VEZT: variants seen among roughly 807,000 people sequenced by gnomAD.
VEZT encodes vezatin.
VEZT carries 39 observed loss-of-function variants against 79.9 expected under a neutral mutation model. That is an observed-to-expected ratio of 0.49 (90% CI 0.38 to 0.64). The LOEUF (loss-of-function observed/expected upper bound fraction) is 0.64. Ranked by LOEUF, VEZT falls within the 30% of genes least tolerant of loss-of-function variation. VEZT has a pLI of 0.00. For missense variants in VEZT, 837 were observed against 893.1 expected (o/e 0.94, Z 0.80); for synonymous variants, 325 against 327.6 (o/e 0.99, Z 0.09).
intron 7 of VEZT, among the ~76,000 whole-genome samples, chr12:95,281,745 C>T (rs1237678840): frequency 6.6e-6 from 1 of 151,966 alleles, no homozygotes; most frequent in East Asian, 1.9e-4. Context: ...GAGGTTTCAC[C>T]ATGTTGGCCA....
chr12:95,247,339 A>G (rs1335159226), intron 1 of VEZT, among the ~76,000 whole-genome samples: 2 of 152,218 alleles, frequency 1.3e-5, no homozygotes, highest in African/African-American at 2.4e-5. Flanking sequence ...ATTTTTCTGT[A>G]TACTTCACCC....
At chr12:95,276,176 C>T (rs1186527848) in intron 7 of VEZT, among the ~76,000 whole-genome samples, 3 of 151,704 alleles carry the variant, frequency 2.0e-5, no homozygotes, top group Non-Finnish European at 4.4e-5. Context: ...CAAAGATATA[C>T]CCAAAGTATG....
In VEZT at chr12:95,225,061, T is replaced by C. The variant is rs572054603; in HGVS notation, c.36+7175T>C. 2.6e-5 allele frequency among the ~76,000 whole-genome samples: 4 copies of C among 152,292 alleles called. No homozygotes were observed. The East Asian group carries it at 7.7e-4, about 29-fold the overall frequency. On this transcript the variant is annotated intron_variant, in intron 1 of 11. Coordinates refer to ENST00000436874, the MANE Select transcript of VEZT (RefSeq NM_017599.4). ...ACCATCCTGCTGGCCTCGGGCTGTA[T>C]TCCTAACAGGCCATGGACCGGTACC...
At position 95,251,958 on chromosome 12, in the gene VEZT, T is replaced by C. The variant is rs554034129; in HGVS notation, c.55T>C (p.Tyr19His). ...VVFENSPLYQ[Y>H]LQDLGHTDFE... ...TTTTCAGAATTCTCCACTTTACCAA[T>C]ACTTACAGGATCTGGGACACACAGA... The change falls in exon 2 of 12, where the codon TAC becomes CAC. Residue 19 changes from tyrosine (Y) to histidine (H), a missense_variant. Physicochemically the swap from Tyr to His is moderately conservative, Grantham distance 83. Transcript: ENST00000436874. The C allele has an allele frequency of 1.2e-6, 2 of 1,607,466 alleles. No individual in the cohort carries two copies. The highest frequency in any genetic ancestry group is 1.7e-6 in the Non-Finnish European group (2 of 1,177,808).
intron 9 of VEZT, among the ~76,000 whole-genome samples, chr12:95,289,093 T>TAAA (rs1381441339): frequency 9.3e-6 from 1 of 107,638 alleles, no homozygotes; most frequent in Non-Finnish European, 2.0e-5. Flanking sequence ...AAAAAAAAAA[T>TAAA]AAATAAATAA....
intron 4 of VEZT, among the ~76,000 whole-genome samples, chr12:95,265,365 T>G (rs2065337365): frequency 6.6e-6 from 1 of 151,282 alleles, no homozygotes; most frequent in Non-Finnish European, 1.5e-5. Flanking sequence ...TTATTTAAAA[T>G]TAGAGGACTT....
intron 1 of VEZT, chr12:95,218,391 T>G (rs1197882094): frequency 6.6e-6 from 1 of 152,388 alleles, no homozygotes; most frequent in African/African-American, 2.4e-5. Flanking sequence ...TGGGACCTAC[T>G]GTGGGTAGTT....
In VEZT at chr12:95,266,607, G is replaced by T. The variant is rs764851045; in HGVS notation, c.685G>T (p.Glu229Ter). 5 of 1,611,432 alleles carry T rather than the reference G, an allele frequency of 3.1e-6. No homozygotes were observed. Among genetic ancestry groups the T allele is most frequent in the Non-Finnish European group, 4.2e-6 (5 of 1,179,258 alleles). ...AGCTTTACGTCTCATTCAAGAAACC[G>T]AAGTGATTTCCAGAGGATTTACACT... ...RKALRLIQET[E>*]VISRGFTLVS... Residue 229 changes from glutamate to a stop codon, truncating the protein, a stop_gained, in exon 5 of 12, where the codon GAA (glutamate) becomes TAA (stop). Transcript: ENST00000436874. LOFTEE classifies it high-confidence loss of function.
rs746719171 is a variant in VEZT, at chr12:95,300,662, G to A, written c.2329G>A (p.Glu777Lys). The change falls in exon 12 of 12, where the codon GAA becomes AAA. Residue 777 changes from glutamate (E) to lysine (K), a missense_variant. Glu to Lys is a moderately conservative substitution (Grantham distance 56). Coordinates refer to ENST00000436874, the MANE Select transcript of VEZT (RefSeq NM_017599.4). ...QIIEENKNEI[E>K]EK ...AATAGAAGAAAATAAAAATGAGATA[G>A]AAGAAAAGTAAGAACCAAGATTCAT... 2.8e-5 allele frequency: 44 copies of A among 1,583,964 alleles called. No homozygotes were observed. Among genetic ancestry groups the A allele is most frequent in the Non-Finnish European group, 3.8e-5 (44 of 1,163,396 alleles).
rs1342195248 is a variant in VEZT, at chr12:95,266,585, T to C, written c.663T>C (p.Ala221=). The C allele has an allele frequency of 6.2e-7, 1 of 1,613,404 alleles. No individual in the cohort carries two copies. The highest frequency in any genetic ancestry group is 8.5e-7 in the Non-Finnish European group (1 of 1,179,790). Residue 221 remains alanine (A), a synonymous_variant, in exon 5 of 12, where the codon GCT becomes GCC. Coordinates refer to ENST00000436874, the MANE Select transcript of VEZT (RefSeq NM_017599.4). ...SRAFTNLVRK[A]LRLIQETEVI... is the part of the protein sequence containing the mutation. ...CTTTTACTAACCTCGTGAGAAAAGC[T>C]TTACGTCTCATTCAAGAAACCGAAG...
chr12:95,258,195 A>G (rs1421808600), intron 3 of VEZT: 2 of 454,436 alleles, frequency 4.4e-6, no homozygotes, highest in Non-Finnish European at 8.8e-6. Flanking sequence ...GTGTATTGAG[A>G]AGGTCAATGA....
chr12:95,302,601 C>G lies in VEZT; in HGVS notation c.*1928C>G, dbSNP rs766670178. On this transcript the variant is annotated 3_prime_UTR_variant, in exon 12 of 12. Transcript: ENST00000436874. Reference sequence around the variant, plus strand: ...AGTATTATCTTCTCTGCAAAAATTCCTGGAGTAATTTTCTCTCATAATATT... The same window carrying G: ...AGTATTATCTTCTCTGCAAAAATTCGTGGAGTAATTTTCTCTCATAATATT... 2.1e-4 allele frequency: 32 copies of G among 151,770 alleles called. No individual in the cohort carries two copies. The highest frequency in any genetic ancestry group is 3.8e-4 in the Non-Finnish European group (26 of 67,924). 9.4% of individuals were successfully genotyped at this position (151,770 alleles called of 1,614,324 possible). A position where few individuals can be genotyped will look rare whatever the true frequency, so the allele number is the denominator to read the frequency against.
At chr12:95,233,224 A>G (rs780899778) in intron 1 of VEZT, among the ~76,000 whole-genome samples, 8 of 150,734 alleles carry the variant, frequency 5.3e-5, no homozygotes, top group Non-Finnish European at 1.2e-4. Context: ...GACCTTAACT[A>G]TGTTTTTCCA....
intron 8 of VEZT, among the ~76,000 whole-genome samples, chr12:95,284,773 G>A (rs1285534897): frequency 6.6e-6 from 1 of 152,060 alleles, no homozygotes; most frequent in African/African-American, 2.4e-5. Flanking sequence ...GGGATATGAT[G>A]GTTTGTGACT....
chr12:95,236,941 T>G (rs2060280149), intron 1 of VEZT, among the ~76,000 whole-genome samples: 2 of 152,178 alleles, frequency 1.3e-5, no homozygotes. Flanking sequence ...AATAAGGCAA[T>G]TGGGAATAAA....
At position 95,275,019 on chromosome 12, in the gene VEZT, G is replaced by A. The variant is rs566703173; in HGVS notation, c.996+130G>A. 20 of 1,097,656 alleles carry A rather than the reference G, an allele frequency of 1.8e-5. No homozygotes were observed. The East Asian group carries it at 2.9e-4, about 16-fold the overall frequency. The allele number at this position is 1,097,656 out of a possible 1,614,324, so 68.0% of individuals were successfully genotyped here. A position where few individuals can be genotyped will look rare whatever the true frequency, so the allele number is the denominator to read the frequency against. ...CTGCATACCATCATCATAAATGCAC[G>A]GGTGATGTTTGTAACTCTGTCTTTA... On this transcript the variant is annotated intron_variant, in intron 7 of 11. Coordinates refer to ENST00000436874, the MANE Select transcript of VEZT (RefSeq NM_017599.4).
chr12:95,218,187 G>A (rs1469612043), intron 1 of VEZT: 1 of 279,298 alleles, frequency 3.6e-6, no homozygotes, highest in Non-Finnish European at 6.7e-6. Context: ...TGTGCGGCGG[G>A]GGGGACTGCG....
chr12:95,285,450 T>C (rs1334185235), intron 8 of VEZT, among the ~76,000 whole-genome samples: 2 of 151,788 alleles, frequency 1.3e-5, no homozygotes, highest in African/African-American at 4.8e-5. Flanking sequence ...TCTCAAAAAA[T>C]AAAAATAAAA....
chr12:95,300,657 A>T lies in VEZT; in HGVS notation c.2324A>T (p.Glu775Val), dbSNP rs771944736. ...EEQIIEENKNEIEEK is the reference protein window; with the variant it reads ...EEQIIEENKNVIEEK ...CAAATAATAGAAGAAAATAAAAATG[A>T]GATAGAAGAAAAGTAAGAACCAAGA... Residue 775 changes from glutamate to valine, a missense_variant, in exon 12 of 12, where the codon GAG (glutamate) becomes GTG (valine). Transcript: ENST00000436874. 3.2e-6 allele frequency: 5 copies of T among 1,586,496 alleles called. No homozygotes were observed. In the African/African-American group the frequency reaches 6.8e-5, roughly 21 times the overall value.
Sources: gnomAD v4.1 joint callset for allele counts (sites outside exome capture counted in the v4.1 genomes callset) on GRCh38, gnomAD v4.1.1 for gene constraint, MANE v1.5 for transcripts, NCBI Gene and HGNC (gene_info 2026-07-23, HGNC 2026-07-21) for gene names.